Variants in PAFAH1B2 observed in about 807,000 individuals in gnomAD.
PAFAH1B2 encodes platelet-activating factor acetylhydrolase IB subunit alpha2.
PAFAH1B2 carries 8 observed loss-of-function variants against 28.0 expected under a neutral mutation model. That is an observed-to-expected ratio of 0.29 (90% CI 0.17 to 0.52). The LOEUF (loss-of-function observed/expected upper bound fraction) is 0.52. Among genes scored for constraint, PAFAH1B2 ranks in the 20% least tolerant of loss-of-function variants. PAFAH1B2 has a pLI of 0.97. For missense variants in PAFAH1B2, 190 were observed against 282.6 expected, an observed-to-expected ratio of 0.67 and a Z score of 2.35; for synonymous variants, 104 against 103.2, an observed-to-expected ratio of 1.01 and a Z score of -0.05.
At chr11:117,157,736 G>A (rs796122942) in intron 2 of PAFAH1B2, among the ~76,000 whole-genome samples, 12 of 152,206 alleles carry the variant, frequency 7.9e-5, no homozygotes, top group African/African-American at 2.9e-4. Context: ...GTCCAGTCTG[G>A]GCAACATAGT....
chr11:117,171,484 C>T (rs148925548), downstream of PAFAH1B2: 267 of 551,722 alleles, frequency 4.8e-4, 5 homozygotes, highest in East Asian at 6.6e-3. Flanking sequence ...TACCGTGAGA[C>T]GAGATTGCGC....
At chr11:117,151,010 A>G (rs972659243) in intron 1 of PAFAH1B2, among the ~76,000 whole-genome samples, 1 of 150,456 alleles carries the variant, frequency 6.6e-6, no homozygotes, top group South Asian at 2.1e-4. Flanking sequence ...AAAAAAGATG[A>G]CCTTCTTTTC....
intron 5 of PAFAH1B2, among the ~76,000 whole-genome samples, chr11:117,165,859 A>C (rs1030090471): frequency 6.9e-6 from 1 of 144,852 alleles, no homozygotes; most frequent in Admixed American, 6.9e-5. Context: ...TTTTAATTTG[A>C]GATGGAGTCT....
intron 1 of PAFAH1B2, among the ~76,000 whole-genome samples, chr11:117,146,801 G>T (rs1332803524): frequency 1.4e-5 from 2 of 145,128 alleles, no homozygotes; most frequent in Non-Finnish European, 3.0e-5. Context: ...AGGAGTTCAA[G>T]ATCAGCCTGA....
At chr11:117,172,290 A>G (rs566317371), downstream of PAFAH1B2, among the ~76,000 whole-genome samples, 24 of 148,240 alleles carry the variant, frequency 1.6e-4, no homozygotes, top group Admixed American at 1.4e-4. Flanking sequence ...TAAACATATA[A>G]TATTTGTGGC....
intron 1 of PAFAH1B2, 135 bp from the exon 2 acceptor site, chr11:117,152,306 G>A: frequency 1.6e-6 from 1 of 617,910 alleles, no homozygotes; most frequent in South Asian, 2.0e-5. Flanking sequence ...AATTGTTTCT[G>A]TTTAGTTTCC....
Position 117,169,571 on chromosome 11 carries a change from C to CT in PAFAH1B2, c.*1875dup. ...GGCTCATTTTTTTCTTGTGAAGTCT[C>CT]TTTCTAGAAAATTTTTTGGTTTTGT... On this transcript the variant is annotated 3_prime_UTR_variant, in exon 6 of 6. Transcript: ENST00000527958. 9.5e-7 allele frequency: 1 copy of CT among 1,054,930 alleles called. No homozygotes were observed. The highest frequency in any genetic ancestry group is 1.1e-6 in the Non-Finnish European group (1 of 872,632). The allele number at this position is 1,054,930 out of a possible 1,614,324, so 65.3% of individuals were successfully genotyped here. A position where few individuals can be genotyped will look rare whatever the true frequency, so the allele number is the denominator to read the frequency against.
At chr11:117,144,560 G>A (rs932919717) in intron 1 of PAFAH1B2, 142 bp downstream of exon 1, 3 of 176,338 alleles carry the variant, frequency 1.7e-5, no homozygotes, top group East Asian at 1.1e-4. Context: ...ATCCACTTGG[G>A]GGGGGCCTCG....
chr11:117,152,690 C>G (rs1956178966), intron 2 of PAFAH1B2, among the ~76,000 whole-genome samples, 162 bp downstream of exon 2: 1 of 152,148 alleles, frequency 6.6e-6, no homozygotes, highest in Non-Finnish European at 1.5e-5. Context: ...ATAGCTGGGA[C>G]TAGTGGCACA....
At position 117,169,132 on chromosome 11, in the gene PAFAH1B2, C is replaced by T. The variant is rs1956587980; in HGVS notation, c.*1433C>T. The T allele has an allele frequency of 9.8e-7, 1 of 1,023,860 alleles. No homozygotes were observed. The highest frequency in any genetic ancestry group is 1.2e-6 in the Non-Finnish European group (1 of 852,966). 63.4% of individuals were successfully genotyped at this position (1,023,860 alleles called of 1,614,324 possible). A position where few individuals can be genotyped will look rare whatever the true frequency, so the allele number is the denominator to read the frequency against. ...TAAATTATCCTCCAAAAATTTTGGGCCTTTTTCTGTGGGGAAACAAGTGAA... is the reference window on the plus strand; with the variant it reads ...TAAATTATCCTCCAAAAATTTTGGGTCTTTTTCTGTGGGGAAACAAGTGAA... On this transcript the variant is annotated 3_prime_UTR_variant, in exon 6 of 6. Transcript: ENST00000527958.
Position 117,170,492 on chromosome 11 carries a change from G to T in PAFAH1B2, c.*2793G>T. On this transcript the variant is annotated 3_prime_UTR_variant, in exon 6 of 6. Transcript: ENST00000527958. ...TGTGTTCTCGGTCGCCGTAGACAGC[G>T]CTCTGGCTACCACCGTGAGGCTACT... 1 of 1,058,098 alleles carries T rather than the reference G, an allele frequency of 9.5e-7. No individual in the cohort carries two copies. The highest frequency in any genetic ancestry group is 1.1e-6 in the Non-Finnish European group (1 of 875,616). 65.5% of individuals were successfully genotyped at this position (1,058,098 alleles called of 1,614,324 possible).
downstream of PAFAH1B2, chr11:117,175,816 A>C: frequency 1.6e-6 from 2 of 1,278,082 alleles, no homozygotes; most frequent in South Asian, 2.7e-5. Flanking sequence ...CCTGTAATCC[A>C]GCTACTCGAG....
intron 1 of PAFAH1B2, 49 bp from the exon 2 acceptor site, chr11:117,152,392 C>T (rs1024952187): frequency 8.8e-7 from 1 of 1,142,460 alleles, no homozygotes; most frequent in Non-Finnish European, 1.3e-6. Flanking sequence ...TAAGTGGTAA[C>T]AAACCTTCCT....
chr11:117,174,164 T>TGTGTGTG (rs1555034628), downstream of PAFAH1B2, among the ~76,000 whole-genome samples: 81 of 138,920 alleles, frequency 5.8e-4, no homozygotes, highest in Non-Finnish European at 8.1e-4. Flanking sequence ...TTCATGTCTT[T>TGTGTGTG]TGTGTGTGTG....
At position 117,144,318 on chromosome 11, in the gene PAFAH1B2, G is replaced by A. The variant is rs1363581810; in HGVS notation, c.-108G>A. The A allele has an allele frequency of 2.5e-6, 1 of 402,564 alleles. No homozygotes were observed. Among genetic ancestry groups the A allele is most frequent in the Admixed American group, 2.6e-5 (1 of 38,472 alleles). 24.9% of individuals were successfully genotyped at this position (402,564 alleles called of 1,614,324 possible). Reference sequence around the variant, plus strand: ...GCTGCTGCTGGTGCTGGGGCCGGAGGAGGGACGCGCCGGAGCGGGACCGAC... The same window carrying A: ...GCTGCTGCTGGTGCTGGGGCCGGAGAAGGGACGCGCCGGAGCGGGACCGAC... On this transcript the variant is annotated 5_prime_UTR_variant, in exon 1 of 6. Coordinates refer to ENST00000527958, the MANE Select transcript of PAFAH1B2 (RefSeq NM_002572.4).
At chr11:117,172,850 T>G (rs531189710), downstream of PAFAH1B2, among the ~76,000 whole-genome samples, 33 of 152,292 alleles carry the variant, frequency 2.2e-4, no homozygotes, top group African/African-American at 7.5e-4. Context: ...ATTACAGGCG[T>G]GTACCACCAC....
chr11:117,155,314 T>A (rs1956234576), intron 2 of PAFAH1B2, among the ~76,000 whole-genome samples: 2 of 151,996 alleles, frequency 1.3e-5, no homozygotes, highest in Admixed American at 1.3e-4. Flanking sequence ...AGAAATCGTA[T>A]CAAAACATAT....
chr11:117,165,945 T>G (rs1956499344), intron 5 of PAFAH1B2, among the ~76,000 whole-genome samples: 1 of 152,104 alleles, frequency 6.6e-6, no homozygotes, highest in African/African-American at 2.4e-5. Context: ...GTTCAAGTGA[T>G]TCTTCTGCCT....
At chr11:117,175,174 G>A, downstream of PAFAH1B2, 4 of 1,148,432 alleles carry the variant, frequency 3.5e-6, no homozygotes, top group South Asian at 1.5e-4. Context: ...GGTTAGGGTT[G>A]AGCTCTTTGT....
Sources: allele counts gnomAD v4.1 joint callset (sites outside exome capture counted in the v4.1 genomes callset), GRCh38; gene constraint gnomAD v4.1.1; transcripts MANE v1.5; gene names NCBI Gene and HGNC (gene_info 2026-07-23, HGNC 2026-07-21).